COL4A4: variants seen among roughly 807,000 people sequenced by gnomAD.
COL4A4 encodes the protein collagen alpha-4(IV) chain.
COL4A4 carries 105 observed loss-of-function variants against 192.9 expected under a neutral mutation model. The ratio of observed to expected loss-of-function variants is 0.54; its 90% CI spans 0.46 to 0.64. COL4A4 has a LOEUF of 0.64. Ranked by LOEUF, COL4A4 falls within the 30% of genes least tolerant of loss-of-function variation. The pLI, the probability that COL4A4 is intolerant of heterozygous loss-of-function variation, is 0.00. For synonymous variants in COL4A4, 762 were observed against 769.9 expected (o/e 0.99, Z 0.17); for missense variants, 1,967 against 2,169.3 (o/e 0.91, Z 1.85).
intron 15 of COL4A4, 25 bp from the exon 16 acceptor site, chr2:227,101,934 T>A (rs776074176): frequency 6.4e-7 from 1 of 1,563,492 alleles, no homozygotes; most frequent in South Asian, 1.1e-5. Context: ...AAAATCAGGA[T>A]AAACAGAATT....
At chr2:227,060,097 A>T in intron 27 of COL4A4, 39 bp downstream of exon 27, 1 of 1,117,652 alleles carries the variant, frequency 8.9e-7, no homozygotes, top group Non-Finnish European at 1.3e-6. Flanking sequence ...ATATTCCCAA[A>T]GCAGAAAAAA....
chr2:227,141,380 T>C (rs2063198553), intron 3 of COL4A4, among the ~76,000 whole-genome samples: 1 of 152,188 alleles, frequency 6.6e-6, no homozygotes, highest in African/African-American at 2.4e-5. Flanking sequence ...ATATTTATAG[T>C]CCCATGGAAG....
downstream of COL4A4, among the ~76,000 whole-genome samples, chr2:227,002,215 T>G (rs576573769): frequency 3.4e-5 from 5 of 148,540 alleles, no homozygotes; most frequent in South Asian, 1.1e-3. Flanking sequence ...TTATTGAATA[T>G]CTGCACTCCA....
intron 20 of COL4A4, among the ~76,000 whole-genome samples, chr2:227,092,036 T>C (rs972441977): frequency 6.6e-6 from 1 of 151,916 alleles, no homozygotes; most frequent in African/African-American, 2.4e-5. Flanking sequence ...CTAAGGCAAA[T>C]CAAGTGGAAT....
chr2:227,106,740 A>G (rs1481962291), intron 12 of COL4A4, among the ~76,000 whole-genome samples: 2 of 152,042 alleles, frequency 1.3e-5, no homozygotes, highest in Non-Finnish European at 2.9e-5. Flanking sequence ...TAATTTTTGT[A>G]TTTTTAGCAG....
At chr2:227,008,940 A>G (rs1962841249) in intron 46 of COL4A4, among the ~76,000 whole-genome samples, 1 of 152,062 alleles carries the variant, frequency 6.6e-6, no homozygotes, top group Non-Finnish European at 1.5e-5. Flanking sequence ...ACTTTATCCC[A>G]AGAGTTCTGC....
chr2:227,061,959 G>T (rs1977164524), intron 26 of COL4A4, among the ~76,000 whole-genome samples: 1 of 152,186 alleles, frequency 6.6e-6, no homozygotes, highest in African/African-American at 2.4e-5. Context: ...AAACTTTCAG[G>T]CTGGGTGCGG....
At position 227,094,219 on chromosome 2, in the gene COL4A4, A is replaced by T. The variant is rs774374892; in HGVS notation, c.1275T>A (p.Pro425=). Residue 425 remains proline (P), a synonymous_variant, in exon 20 of 48, where the codon CCT becomes CCA. Coordinates refer to ENST00000396625, the MANE Select transcript of COL4A4 (RefSeq NM_000092.5). ...LPGLPGEAGI[P]GRPDSAPGKP... ...TTCCTGGAGCAGAATCAGGTCTCCC[A>T]GGAATACCAGCTTCTCCTGGAAGCC... 6.2e-7 allele frequency: 1 copy of T among 1,613,834 alleles called. No homozygotes were observed. Among genetic ancestry groups the T allele is most frequent in the South Asian group, 1.1e-5 (1 of 91,078 alleles).
At chr2:227,062,088 A>C (rs531368494) in intron 26 of COL4A4, among the ~76,000 whole-genome samples, 1 of 152,056 alleles carries the variant, frequency 6.6e-6, no homozygotes, top group Admixed American at 6.6e-5. Context: ...AAACACAAAA[A>C]TTAGCCGGGC....
At position 227,060,725 on chromosome 2, in the gene COL4A4, A is replaced by ATT. The variant is rs11458771; in HGVS notation, c.2057-484_2057-483dup. Among the ~76,000 whole-genome samples the ATT allele has an allele frequency of 1.5e-3, 205 of 139,090 alleles. 2 individuals are homozygous for ATT. The highest frequency in any genetic ancestry group is 4.9e-3 in the African/African-American group (183 of 37,546). The allele number at this position is 139,090 out of a possible 152,430, so 91.2% of individuals were successfully genotyped here. A position where few individuals can be genotyped will look rare whatever the true frequency, so the allele number is the denominator to read the frequency against. On this transcript the variant is annotated intron_variant, in intron 26 of 47. Coordinates refer to ENST00000396625, the MANE Select transcript of COL4A4 (RefSeq NM_000092.5). ...AAGCACTTGCAAAAAGTAATAGAGAATTTTTTTTTTTTTTTTTTTTGAGAC... is the reference window on the plus strand; with the variant it reads ...AAGCACTTGCAAAAAGTAATAGAGAATTTTTTTTTTTTTTTTTTTTTTGAGAC...
intron 1 of COL4A4, among the ~76,000 whole-genome samples, chr2:227,155,682 C>T (rs1188261775): frequency 2.0e-5 from 3 of 152,130 alleles, no homozygotes; most frequent in Admixed American, 2.0e-4. Flanking sequence ...CTCCCAAATA[C>T]AATGTGAGGC....
chr2:227,007,150 A>G lies in COL4A4; in HGVS notation c.*175T>C, dbSNP rs1231963151. On this transcript the variant is annotated 3_prime_UTR_variant, in exon 48 of 48. Transcript: ENST00000396625. ...GAGGTCCAAACAAATCCATCTGTGC[A>G]GCATTTGCTTAATGTGTAAGGAACC... 1.2e-6 allele frequency: 1 copy of G among 864,400 alleles called. No individual in the cohort carries two copies. The highest frequency in any genetic ancestry group is 1.9e-6 in the Non-Finnish European group (1 of 518,674). The allele number at this position is 864,400 out of a possible 1,614,324, so 53.5% of individuals were successfully genotyped here.
chr2:227,007,907 A>T, intron 47 of COL4A4, 111 bp downstream of exon 47: 1 of 1,356,720 alleles, frequency 7.4e-7, no homozygotes, highest in Non-Finnish European at 1.0e-6. Flanking sequence ...CCGTAACCTT[A>T]TGTCCTAAGC....
At chr2:227,009,929 A>G (rs939306112) in intron 46 of COL4A4, among the ~76,000 whole-genome samples, 2 of 152,194 alleles carry the variant, frequency 1.3e-5, no homozygotes, top group African/African-American at 2.4e-5. Context: ...TGGCTGCACC[A>G]TTTTACATGT....
At chr2:227,079,251 G>A (rs2059196589) in intron 24 of COL4A4, among the ~76,000 whole-genome samples, 1 of 152,184 alleles carries the variant, frequency 6.6e-6, no homozygotes, top group Non-Finnish European at 1.5e-5. Context: ...TATGGATCTG[G>A]ATTGTTTCAA....
intron 3 of COL4A4, among the ~76,000 whole-genome samples, chr2:227,143,014 ACACACG>A (rs145214857): frequency 1.3e-3 from 192 of 146,010 alleles, no homozygotes; most frequent in East Asian, 0.012. Flanking sequence ...ACACACACAC[ACACACG>A]CACACACAGA....
Position 227,070,254 on chromosome 2 carries a change from C to T in COL4A4, c.1987+7640G>A, listed in dbSNP as rs574358531. 5.9e-5 allele frequency among the ~76,000 whole-genome samples: 9 copies of T among 151,766 alleles called. No individual in the cohort carries two copies. The South Asian group carries it at 1.7e-3, about 28-fold the overall frequency. Reference sequence around the variant, plus strand: ...GAGAGGATGTGGAGAAATAGGAACACTTTTACACTGTTGGTGGGACTGTAA... The same window carrying T: ...GAGAGGATGTGGAGAAATAGGAACATTTTTACACTGTTGGTGGGACTGTAA... On this transcript the variant is annotated intron_variant, in intron 25 of 47. Coordinates refer to ENST00000396625, the MANE Select transcript of COL4A4 (RefSeq NM_000092.5).
At chr2:226,981,004 C>T in the COL4A4 span, among the ~76,000 whole-genome samples, 1 of 152,168 alleles carries the variant, frequency 6.6e-6, no homozygotes, top group Non-Finnish European at 1.5e-5. Context: ...CTGAGGCAGG[C>T]CATTTCAAGG....
chr2:227,075,506 T>C (rs1264380507), intron 25 of COL4A4, among the ~76,000 whole-genome samples: 3 of 152,164 alleles, frequency 2.0e-5, no homozygotes, highest in South Asian at 2.1e-4. Flanking sequence ...ACAAGAGCTA[T>C]TTATGACAAA....
Sources: allele counts gnomAD v4.1 joint callset (sites outside exome capture counted in the v4.1 genomes callset), GRCh38; gene constraint gnomAD v4.1.1; transcripts MANE v1.5; gene names NCBI Gene and HGNC (gene_info 2026-07-23, HGNC 2026-07-21).